ZBTB16: variants seen among roughly 807,000 people sequenced by gnomAD.
ZBTB16 encodes zinc finger and BTB domain-containing protein 16.
Under a neutral mutation model 56.8 loss-of-function variants are expected in ZBTB16, and 8 were observed. The observed-to-expected ratio is 0.14, with a 90% CI of 0.08 to 0.25. The LOEUF (loss-of-function observed/expected upper bound fraction) is 0.25. Among genes scored for constraint, ZBTB16 ranks in the 10% least tolerant of loss-of-function variants. The probability of loss-of-function intolerance (pLI) is 1.00; values close to 1 mark genes in which losing one functional copy is unlikely to be tolerated. For missense variants in ZBTB16, 625 were observed against 903.0 expected (o/e 0.69, Z 3.95); for synonymous variants, 363 against 368.5 (o/e 0.98, Z 0.17).
At chr11:114,215,293 C>T (rs1217870445) in intron 4 of ZBTB16, among the ~76,000 whole-genome samples, 2 of 152,184 alleles carry the variant, frequency 1.3e-5, no homozygotes, top group Admixed American at 1.3e-4. Flanking sequence ...CTTCTTGCTT[C>T]TCTTGAGTGG....
intron 5 of ZBTB16, chr11:114,246,793 G>A (rs540486404): frequency 4.0e-6 from 1 of 253,082 alleles, no homozygotes; most frequent in East Asian, 9.4e-5. Flanking sequence ...TCAAATTGGA[G>A]AGATTTCTTT....
intron 4 of ZBTB16, among the ~76,000 whole-genome samples, chr11:114,238,782 C>G (rs1186080589): frequency 6.6e-6 from 1 of 152,204 alleles, no homozygotes; most frequent in South Asian, 2.1e-4. Flanking sequence ...AGGGCCTGAC[C>G]TTGGCCCCAT....
At chr11:114,183,858 C>T (rs1943305737) in intron 3 of ZBTB16, among the ~76,000 whole-genome samples, 1 of 152,194 alleles carries the variant, frequency 6.6e-6, no homozygotes, top group African/African-American at 2.4e-5. Context: ...GGCTGCTACC[C>T]CTGTGAACAC....
At chr11:114,186,315 T>C (rs913791938) in intron 3 of ZBTB16, among the ~76,000 whole-genome samples, 62 of 152,272 alleles carry the variant, frequency 4.1e-4, no homozygotes, top group African/African-American at 1.4e-3. Flanking sequence ...TGGTTCAGTG[T>C]AGCTGGAGAA....
At chr11:114,148,336 G>GCTGGCTTGCTTGCTTCCTTCCTTC (rs1369514528) in intron 2 of ZBTB16, among the ~76,000 whole-genome samples, 10 of 52,602 alleles carry the variant, frequency 1.9e-4, no homozygotes, top group Non-Finnish European at 2.4e-4. Flanking sequence ...TGGCTGGCTG[G>GCTGGCTTGCTTGCTTCCTTCCTTC]CTTCCTTCCT....
intron 4 of ZBTB16, among the ~76,000 whole-genome samples, chr11:114,239,796 C>T (rs1834668785): frequency 6.6e-6 from 1 of 152,188 alleles, no homozygotes; most frequent in African/African-American, 2.4e-5. Context: ...TACTGGGCCT[C>T]TTCCAGGGTA....
chr11:114,082,975 G>A (rs1312270743), intron 2 of ZBTB16, among the ~76,000 whole-genome samples: 2 of 152,238 alleles, frequency 1.3e-5, no homozygotes, highest in Non-Finnish European at 2.9e-5. Context: ...AGTGGCATGG[G>A]GAGATAAGGG....
intron 4 of ZBTB16, among the ~76,000 whole-genome samples, chr11:114,241,105 G>A (rs935805500): frequency 1.3e-5 from 2 of 152,132 alleles, no homozygotes; most frequent in Admixed American, 1.3e-4. Context: ...TGAGAGCAGG[G>A]ACTTTGCATG....
At chr11:114,152,183 T>G (rs1942294323) in intron 2 of ZBTB16, among the ~76,000 whole-genome samples, 1 of 152,214 alleles carries the variant, frequency 6.6e-6, no homozygotes, top group Admixed American at 6.5e-5. Context: ...TCCAGCATCC[T>G]TGATCAATCC....
chr11:114,156,426 C>T lies in ZBTB16; in HGVS notation c.1358C>T (p.Ala453Val), dbSNP rs762318942. 1 of 1,614,216 alleles carries T rather than the reference C, an allele frequency of 6.2e-7. No individual in the cohort carries two copies. The highest frequency in any genetic ancestry group is 8.5e-7 in the Non-Finnish European group (1 of 1,180,026). The change falls in exon 3 of 7, where the codon GCT (alanine) becomes GTT (valine). Residue 453 changes from alanine (A) to valine (V), a missense_variant. Coordinates refer to ENST00000335953, the MANE Select transcript of ZBTB16 (RefSeq NM_006006.6). ...DSLRLRMHLL[A>V]HSAGAKAFVC... is the part of the protein sequence containing the mutation. ...TTGCGGCTGAGAATGCACTTACTGG[C>T]TCATTCAGGTAGGCAAGTTCGCCTT...
Position 114,256,180 on chromosome 11 carries a change from A to C in ZBTB16, c.*5625A>C, listed in dbSNP as rs1945011089. 6.6e-6 allele frequency among the ~76,000 whole-genome samples: 1 copy of C among 152,216 alleles called. No homozygotes were observed. The highest frequency in any genetic ancestry group is 2.4e-5 in the African/African-American group (1 of 41,464). On this transcript the variant is annotated 3_prime_UTR_variant, in exon 7 of 7. Coordinates refer to ENST00000335953, the MANE Select transcript of ZBTB16 (RefSeq NM_006006.6). ...TGCCACATTTACAAGGCACAGATGCACTGAATAACATTTTTCTAATACTTT... is the reference window on the plus strand; with the variant it reads ...TGCCACATTTACAAGGCACAGATGCCCTGAATAACATTTTTCTAATACTTT...
chr11:114,240,711 A>T (rs996612944), intron 4 of ZBTB16, among the ~76,000 whole-genome samples: 3 of 152,184 alleles, frequency 2.0e-5, no homozygotes, highest in Non-Finnish European at 2.9e-5. Context: ...CTGCAGCTGG[A>T]AATTTCGGCC....
intron 2 of ZBTB16, among the ~76,000 whole-genome samples, chr11:114,098,737 A>G (rs1940505437): frequency 6.6e-6 from 1 of 152,156 alleles, no homozygotes. Context: ...GCAGAAATTA[A>G]GCATCTGTAT....
chr11:114,235,692 TTTC>T (rs1944564339), intron 4 of ZBTB16, among the ~76,000 whole-genome samples: 1 of 3,886 alleles, frequency 2.6e-4, no homozygotes, highest in African/African-American at 4.6e-4. Context: ...CTTTCTTTCT[TTTC>T]TTTCTTTCTT....
intron 3 of ZBTB16, among the ~76,000 whole-genome samples, chr11:114,173,315 T>C (rs1383490386): frequency 6.6e-6 from 1 of 152,078 alleles, no homozygotes; most frequent in South Asian, 2.1e-4. Context: ...CTGGAGAGAC[T>C]GGCAGCATCG....
intron 2 of ZBTB16, among the ~76,000 whole-genome samples, chr11:114,095,245 C>CTTTTTTTTT (rs745895999): frequency 6.9e-4 from 62 of 90,460 alleles, no homozygotes; most frequent in African/African-American, 2.7e-3. Flanking sequence ...CTTTTCTTTT[C>CTTTTTTTTT]TTTTTTTTTT....
chr11:114,194,044 G>A (rs1221368161), intron 4 of ZBTB16, among the ~76,000 whole-genome samples: 4 of 152,280 alleles, frequency 2.6e-5, no homozygotes, highest in African/African-American at 7.2e-5. Flanking sequence ...GGGTGATCCT[G>A]TTTAGAGGTC....
At chr11:114,138,660 C>T (rs538458414) in intron 2 of ZBTB16, among the ~76,000 whole-genome samples, 1 of 150,984 alleles carries the variant, frequency 6.6e-6, no homozygotes, top group South Asian at 2.1e-4. Context: ...ACTCTTTTCT[C>T]CCTTCCTCTT....
intron 2 of ZBTB16, among the ~76,000 whole-genome samples, chr11:114,127,477 C>T (rs529268333): frequency 1.4e-4 from 21 of 152,308 alleles, no homozygotes; most frequent in African/African-American, 4.8e-4. Flanking sequence ...TGATGTCCCT[C>T]ACACTCCCCA....
Sources: allele counts gnomAD v4.1 joint callset (sites outside exome capture counted in the v4.1 genomes callset), GRCh38; gene constraint gnomAD v4.1.1; transcripts MANE v1.5; gene names NCBI Gene and HGNC (gene_info 2026-07-23, HGNC 2026-07-21).